CADM2: variants seen among roughly 807,000 people sequenced by gnomAD.
The protein encoded by CADM2 is cell adhesion molecule 2, also known as immunoglobulin superfamily member 4D.
In CADM2, 12 loss-of-function variants were observed where a neutral mutation model predicts 49.8. That is an observed-to-expected ratio of 0.24 (90% CI 0.15 to 0.39). The LOEUF (loss-of-function observed/expected upper bound fraction) is 0.39, where lower values mean the gene tolerates loss of function less well. Ranked by LOEUF, CADM2 falls within the 10% of genes least tolerant of loss-of-function variation. CADM2 has a pLI of 1.00. For missense variants in CADM2, 378 were observed against 492.3 expected, an observed-to-expected ratio of 0.77 and a Z score of 2.20; for synonymous variants, 214 against 175.4, an observed-to-expected ratio of 1.22 and a Z score of -1.74.
At chr3:85,650,520 A>AAT in intron 1 of CADM2, among the ~76,000 whole-genome samples, 1 of 150,752 alleles carries the variant, frequency 6.6e-6, no homozygotes, top group Admixed American at 6.6e-5. Flanking sequence ...AAAAAAAAAA[A>AAT]CCTCCAAAGA....
chr3:84,995,287 T>C (rs1357550425), intron 1 of CADM2, among the ~76,000 whole-genome samples: 2 of 152,154 alleles, frequency 1.3e-5, no homozygotes, highest in African/African-American at 4.8e-5. Context: ...GGTACATTTG[T>C]TAACCTGATA....
chr3:85,231,605 T>G (rs2042290326), intron 1 of CADM2, among the ~76,000 whole-genome samples: 1 of 151,762 alleles, frequency 6.6e-6, no homozygotes, highest in Admixed American at 6.6e-5. Flanking sequence ...TGCCCAGTTC[T>G]AAAAATAAAA....
chr3:86,011,206 T>A (rs1280397692), intron 8 of CADM2, among the ~76,000 whole-genome samples: 1 of 152,024 alleles, frequency 6.6e-6, no homozygotes, highest in African/African-American at 2.4e-5. Context: ...ATTAATCAAT[T>A]TTACTGCAAT....
At chr3:85,496,468 G>A (rs2039902950) in intron 1 of CADM2, among the ~76,000 whole-genome samples, 1 of 152,106 alleles carries the variant, frequency 6.6e-6, no homozygotes. Context: ...TTTATTCCAT[G>A]TCTTTGCTAT....
chr3:85,139,173 A>G (rs1161702215), intron 1 of CADM2, among the ~76,000 whole-genome samples: 1 of 152,178 alleles, frequency 6.6e-6, no homozygotes, highest in African/African-American at 2.4e-5. Context: ...TCTCTAGTAG[A>G]TTAGGAACAT....
At chr3:85,457,849 C>CT (rs1330732572) in intron 1 of CADM2, among the ~76,000 whole-genome samples, 6 of 152,092 alleles carry the variant, frequency 3.9e-5, no homozygotes, top group Non-Finnish European at 5.9e-5. Context: ...ATTTTGGACA[C>CT]TTTTTTTAGG....
At chr3:86,037,247 C>T (rs73843580) in intron 8 of CADM2, among the ~76,000 whole-genome samples, 4 of 152,110 alleles carry the variant, frequency 2.6e-5, no homozygotes, top group Non-Finnish European at 5.9e-5. Flanking sequence ...ATACTTGCTA[C>T]TTTTGTTAAG....
chr3:85,905,540 T>C (rs72910533), intron 5 of CADM2, among the ~76,000 whole-genome samples: 2,720 of 152,218 alleles, frequency 0.018, 84 homozygotes, highest in African/African-American at 0.061. Flanking sequence ...ATGTTTCAGA[T>C]ACTGTCCTAG....
At chr3:85,628,644 TAC>T (rs947170107) in intron 1 of CADM2, among the ~76,000 whole-genome samples, 95 of 148,198 alleles carry the variant, frequency 6.4e-4, no homozygotes, top group Admixed American at 2.6e-3. Flanking sequence ...TATACATATA[TAC>T]ACACACATAT....
chr3:85,840,009 G>A (rs892490091), intron 3 of CADM2, among the ~76,000 whole-genome samples: 17 of 151,720 alleles, frequency 1.1e-4, no homozygotes, highest in African/African-American at 4.1e-4. Context: ...TATACTTTAA[G>A]TTTCTCTTTA....
chr3:85,840,154 C>G (rs1416110199), intron 3 of CADM2, among the ~76,000 whole-genome samples: 2 of 151,772 alleles, frequency 1.3e-5, no homozygotes, highest in Non-Finnish European at 2.9e-5. Flanking sequence ...TTTGACTGCT[C>G]CTATTGCATC....
intron 1 of CADM2, among the ~76,000 whole-genome samples, chr3:85,174,650 A>G (rs1472684741): frequency 2.6e-5 from 4 of 152,104 alleles, no homozygotes; most frequent in Non-Finnish European, 5.9e-5. Context: ...ATTGCTACTT[A>G]CTTAATATCA....
chr3:85,349,068 GC>G (rs2107229460), intron 1 of CADM2, among the ~76,000 whole-genome samples: 1 of 152,000 alleles, frequency 6.6e-6, no homozygotes, highest in Non-Finnish European at 1.5e-5. Flanking sequence ...TCCCTGTATG[GC>G]CCCTGTTCTG....
chr3:85,463,874 G>A (rs931101003), intron 1 of CADM2, among the ~76,000 whole-genome samples: 5 of 152,050 alleles, frequency 3.3e-5, no homozygotes, highest in Admixed American at 2.0e-4. Context: ...ATTGCAATAC[G>A]TTTTATGCCT....
At chr3:85,649,182 T>G (rs2107575968) in intron 1 of CADM2, among the ~76,000 whole-genome samples, 1 of 152,288 alleles carries the variant, frequency 6.6e-6, no homozygotes, top group East Asian at 1.9e-4. Flanking sequence ...CTTCACAGAC[T>G]CTTAAGAGAT....
At chr3:85,640,398 T>A (rs550794475) in intron 1 of CADM2, among the ~76,000 whole-genome samples, 13 of 152,172 alleles carry the variant, frequency 8.5e-5, no homozygotes, top group African/African-American at 2.4e-4. Flanking sequence ...AATGTGGTTT[T>A]TGAACATGAT....
chr3:85,852,553 A>T (rs2075149059), intron 3 of CADM2, among the ~76,000 whole-genome samples: 8 of 152,096 alleles, frequency 5.3e-5, no homozygotes. Flanking sequence ...TTATTTTTAA[A>T]CATTTAACAG....
chr3:84,983,079 G>T (rs1014255837), intron 1 of CADM2, among the ~76,000 whole-genome samples: 2 of 151,912 alleles, frequency 1.3e-5, no homozygotes, highest in African/African-American at 4.8e-5. Context: ...TGTAACTTTA[G>T]TTAAACAGGC....
chr3:85,257,994 A>G (rs532932530), intron 1 of CADM2, among the ~76,000 whole-genome samples: 1 of 152,246 alleles, frequency 6.6e-6, no homozygotes, highest in African/African-American at 2.4e-5. Flanking sequence ...TTTCAAAAAT[A>G]TACTTATTTC....
Sources: allele counts gnomAD v4.1 joint callset (sites outside exome capture counted in the v4.1 genomes callset), GRCh38; gene constraint gnomAD v4.1.1; transcripts MANE v1.5; gene names NCBI Gene and HGNC (gene_info 2026-07-23, HGNC 2026-07-21).